Variants in PDE1C observed in about 807,000 individuals in gnomAD.
The protein encoded by PDE1C is dual specificity calcium/calmodulin-dependent 3',5'-cyclic nucleotide phosphodiesterase 1C.
Under a neutral mutation model 93.1 loss-of-function variants are expected in PDE1C, and 62 were observed. The ratio of observed to expected loss-of-function variants is 0.67; its 90% CI spans 0.54 to 0.82. The LOEUF is 0.82. Among genes scored for constraint, PDE1C ranks in the 40% least tolerant of loss-of-function variants. The pLI is 0.00. For missense variants in PDE1C, 742 were observed against 884.6 expected (o/e 0.84, Z 2.04); for synonymous variants, 325 against 310.1 (o/e 1.05, Z -0.50).
intron 1 of PDE1C, among the ~76,000 whole-genome samples, chr7:32,348,556 G>A (rs1783898035): frequency 6.6e-6 from 1 of 151,832 alleles, no homozygotes; most frequent in Non-Finnish European, 1.5e-5. Context: ...GTAGAGACAG[G>A]GTTTCACCAT....
the PDE1C span, among the ~76,000 whole-genome samples, chr7:31,627,659 C>CAAAAAAAAAAAA: frequency 9.3e-5 from 7 of 75,536 alleles, no homozygotes; most frequent in South Asian, 7.1e-4. Flanking sequence ...GACACTGTCT[C>CAAAAAAAAAAAA]AAAAAAAAAA....
intron 2 of PDE1C, among the ~76,000 whole-genome samples, chr7:31,997,933 C>A (rs891826436): frequency 6.6e-6 from 1 of 152,162 alleles, no homozygotes; most frequent in African/African-American, 2.4e-5. Context: ...ATGTCCCTTA[C>A]TTTAAAAACT....
At chr7:31,620,111 C>T in the PDE1C span, among the ~76,000 whole-genome samples, 4 of 152,158 alleles carry the variant, frequency 2.6e-5, no homozygotes, top group African/African-American at 7.2e-5. Flanking sequence ...CGGGAAGCTC[C>T]AACTGGGTGG....
At chr7:32,002,658 C>T (rs1785629823) in intron 2 of PDE1C, among the ~76,000 whole-genome samples, 1 of 152,200 alleles carries the variant, frequency 6.6e-6, no homozygotes, top group Admixed American at 6.5e-5. Flanking sequence ...AACACACACA[C>T]ACCACCCCCA....
the PDE1C span, among the ~76,000 whole-genome samples, chr7:31,631,150 A>C: frequency 6.6e-6 from 1 of 152,224 alleles, no homozygotes; most frequent in East Asian, 1.9e-4. Flanking sequence ...TAAGAAAATA[A>C]TACTACCTAA....
chr7:31,775,980 A>T lies in PDE1C; in HGVS notation c.1892-248T>A, dbSNP rs192809054. Among the ~76,000 whole-genome samples, 183 of 152,308 alleles carry T rather than the reference A, an allele frequency of 1.2e-3. 1 individual carries two copies. Among genetic ancestry groups the T allele is most frequent in the African/African-American group, 4.3e-3 (180 of 41,568 alleles). Reference sequence around the variant, plus strand: ...GTTGATATGTTGGGACCGATGTGCCACTGAGCAATGCTACATTTTAGGATC... The same window carrying T: ...GTTGATATGTTGGGACCGATGTGCCTCTGAGCAATGCTACATTTTAGGATC... On this transcript the variant is annotated intron_variant, in intron 16 of 17. Coordinates refer to ENST00000396191, the MANE Select transcript of PDE1C (RefSeq NM_001191057.4).
chr7:31,883,958 A>G (rs1562967926), intron 2 of PDE1C, among the ~76,000 whole-genome samples: 1 of 152,256 alleles, frequency 6.6e-6, no homozygotes, highest in Non-Finnish European at 1.5e-5. Context: ...AGCTGTAAAT[A>G]GAAAGCAAAA....
the PDE1C span, chr7:31,655,817 T>A: frequency 1.2e-5 from 12 of 985,610 alleles, no homozygotes; most frequent in Non-Finnish European, 1.4e-5. Flanking sequence ...CCATGTAGAC[T>A]CCGAGCTCTC....
Position 31,930,210 on chromosome 7 carries a change from C to T in PDE1C, c.129-49350G>A, listed in dbSNP as rs376407453. On this transcript the variant is annotated intron_variant, in intron 2 of 17. Transcript: ENST00000396191. ...CACATACACCCTCCCAGGACTAAAA[C>T]AGGAGGAAGTCCCTGAATAGACCAA... 7.9e-5 allele frequency among the ~76,000 whole-genome samples: 12 copies of T among 151,996 alleles called. 1 individual carries two copies. The highest frequency in any genetic ancestry group is 5.9e-4 in the Admixed American group (9 of 15,254).
chr7:31,934,584 G>A (rs1804769802), intron 2 of PDE1C, among the ~76,000 whole-genome samples: 1 of 150,676 alleles, frequency 6.6e-6, no homozygotes, highest in Non-Finnish European at 1.5e-5. Context: ...AATCACACTA[G>A]CTTACGTGAG....
At chr7:32,036,098 GT>G (rs1791040421) in intron 2 of PDE1C, among the ~76,000 whole-genome samples, 1 of 152,096 alleles carries the variant, frequency 6.6e-6, no homozygotes, top group African/African-American at 2.4e-5. Flanking sequence ...CTAAACACAG[GT>G]TTCTCCATTC....
chr7:32,020,373 A>G (rs944536729), intron 2 of PDE1C, among the ~76,000 whole-genome samples: 4 of 152,086 alleles, frequency 2.6e-5, no homozygotes, highest in Admixed American at 6.5e-5. Context: ...GAAATTCTTC[A>G]TATTTTTTCT....
intron 1 of PDE1C, among the ~76,000 whole-genome samples, chr7:32,290,479 C>A (rs1812263665): frequency 6.6e-6 from 1 of 152,172 alleles, no homozygotes; most frequent in South Asian, 2.1e-4. Flanking sequence ...CATTCCTCAA[C>A]CTCTTGAACC....
chr7:31,722,051 G>T, the PDE1C span, among the ~76,000 whole-genome samples: 1 of 152,260 alleles, frequency 6.6e-6, no homozygotes, highest in Non-Finnish European at 1.5e-5. Context: ...AAGGCATCGT[G>T]TCTCTCTTCT....
the PDE1C span, among the ~76,000 whole-genome samples, chr7:31,634,111 A>G: frequency 6.6e-6 from 1 of 152,154 alleles, no homozygotes; most frequent in Non-Finnish European, 1.5e-5. Context: ...CCATCTGGTG[A>G]TTATTCCCAC....
At chr7:31,904,102 T>A (rs1232624022) in intron 2 of PDE1C, among the ~76,000 whole-genome samples, 1 of 152,108 alleles carries the variant, frequency 6.6e-6, no homozygotes, top group Non-Finnish European at 1.5e-5. Context: ...TTTTGAAGAT[T>A]TTCTTGGTTT....
At chr7:31,843,339 T>C (rs113399077) in intron 9 of PDE1C, among the ~76,000 whole-genome samples, 181 of 152,064 alleles carry the variant, frequency 1.2e-3, no homozygotes, top group African/African-American at 4.1e-3. Flanking sequence ...TTTCTCCTTT[T>C]TCTCCTATCA....
At chr7:32,047,467 C>G (rs1457822365) in intron 2 of PDE1C, among the ~76,000 whole-genome samples, 1 of 152,102 alleles carries the variant, frequency 6.6e-6, no homozygotes, top group African/African-American at 2.4e-5. Flanking sequence ...TTACCTACTA[C>G]CTATTGATTC....
intron 2 of PDE1C, among the ~76,000 whole-genome samples, chr7:31,900,267 GTC>G (rs1432036704): frequency 6.6e-6 from 1 of 151,942 alleles, no homozygotes; most frequent in Non-Finnish European, 1.5e-5. Flanking sequence ...TGTATTAAAT[GTC>G]TGTTGCATAA....
Sources: allele counts gnomAD v4.1 joint callset (sites outside exome capture counted in the v4.1 genomes callset), GRCh38; gene constraint gnomAD v4.1.1; transcripts MANE v1.5; gene names NCBI Gene and HGNC (gene_info 2026-07-23, HGNC 2026-07-21).